The following TMEM232 variants were observed in gnomAD, a reference collection of about 807,000 sequenced individuals.
TMEM232 encodes transmembrane protein 232.
A neutral mutation model predicts 78.8 loss-of-function variants in TMEM232; 80 were observed. The observed-to-expected ratio is 1.01, with a 90% CI of 0.85 to 1.22. TMEM232 has a LOEUF of 1.22. Among genes scored for constraint, TMEM232 ranks in the 50% most tolerant of loss-of-function variants. The probability of loss-of-function intolerance (pLI) is 0.00; values close to 1 mark genes in which losing one functional copy is unlikely to be tolerated. For missense variants in TMEM232, 881 were observed against 742.2 expected (o/e 1.19, Z -2.17); for synonymous variants, 297 against 254.3 (o/e 1.17, Z -1.60).
intron 1 of TMEM232, among the ~76,000 whole-genome samples, chr5:110,672,042 GA>G (rs945009973): frequency 1.3e-5 from 2 of 151,940 alleles, no homozygotes; most frequent in African/African-American, 2.4e-5. Flanking sequence ...CATCCAGAAA[GA>G]AAAAAAGTAA....
intron 12 of TMEM232, chr5:110,429,963 T>A (rs900079520): frequency 6.6e-6 from 1 of 151,774 alleles, no homozygotes; most frequent in African/African-American, 2.4e-5. Flanking sequence ...TTTCTTCCGA[T>A]GAAGGCCTTA....
intron 12 of TMEM232, among the ~76,000 whole-genome samples, chr5:110,521,339 G>A (rs1769474283): frequency 6.6e-6 from 1 of 152,090 alleles, no homozygotes; most frequent in Non-Finnish European, 1.5e-5. Context: ...GGAATTGAAG[G>A]AATTCCTTAT....
At chr5:110,698,888 C>T (rs1248230221) in intron 1 of TMEM232, among the ~76,000 whole-genome samples, 1 of 151,986 alleles carries the variant, frequency 6.6e-6, no homozygotes, top group Non-Finnish European at 1.5e-5. Context: ...TTTTATATTC[C>T]TTCTGAGAGC....
intron 10 of TMEM232, among the ~76,000 whole-genome samples, chr5:110,575,649 A>G (rs1254366663): frequency 6.6e-6 from 1 of 152,076 alleles, no homozygotes; most frequent in African/African-American, 2.4e-5. Flanking sequence ...AAACAACTCA[A>G]CCCATGGAGA....
intron 12 of TMEM232, among the ~76,000 whole-genome samples, chr5:110,528,266 G>A (rs533265890): frequency 1.6e-3 from 248 of 151,762 alleles, no homozygotes; most frequent in African/African-American, 5.6e-3. Flanking sequence ...GTATATATAT[G>A]TATGTATATA....
At chr5:110,519,948 T>C (rs1769251626) in intron 12 of TMEM232, among the ~76,000 whole-genome samples, 1 of 150,396 alleles carries the variant, frequency 6.6e-6, no homozygotes, top group African/African-American at 2.4e-5. Flanking sequence ...GAGAATAGAA[T>C]GATGGCTACT....
chr5:110,400,410 TAATG>T (rs931919583), intron 2 of TMEM232, among the ~76,000 whole-genome samples: 4 of 152,102 alleles, frequency 2.6e-5, no homozygotes, highest in Admixed American at 1.3e-4. Context: ...TTTGCTCAAA[TAATG>T]AATCTAATTT....
chr5:110,417,231 T>G (rs994669129), downstream of TMEM232, among the ~76,000 whole-genome samples: 14 of 152,168 alleles, frequency 9.2e-5, no homozygotes, highest in Non-Finnish European at 1.9e-4. Context: ...CGTTAACACT[T>G]TTTAACAGTA....
chr5:110,484,963 T>TA (rs903841791), intron 12 of TMEM232, among the ~76,000 whole-genome samples: 71 of 148,652 alleles, frequency 4.8e-4, no homozygotes, highest in African/African-American at 5.7e-4. Flanking sequence ...ATAGCCTTAA[T>TA]AAAAAAAAAA....
intron 12 of TMEM232, among the ~76,000 whole-genome samples, chr5:110,446,392 T>C (rs445269): frequency 1.3e-5 from 2 of 152,176 alleles, no homozygotes; most frequent in Non-Finnish European, 2.9e-5. Flanking sequence ...AAGAAATACT[T>C]AGAGATATTG....
intron 2 of TMEM232, among the ~76,000 whole-genome samples, chr5:110,734,194 T>A (rs1348590999): frequency 6.6e-6 from 1 of 152,236 alleles, no homozygotes; most frequent in Non-Finnish European, 1.5e-5. Flanking sequence ...TGCGTGCAGG[T>A]TGGCTAGATT....
At chr5:110,516,284 T>A (rs1315822994) in intron 12 of TMEM232, among the ~76,000 whole-genome samples, 1 of 152,150 alleles carries the variant, frequency 6.6e-6, no homozygotes, top group African/African-American at 2.4e-5. Flanking sequence ...TAAGCATGAA[T>A]AAAGTTTTGT....
rs74921394 is a variant in TMEM232, at chr5:110,467,111, A to T, written c.1704-42195T>A. The stretch of plus-strand genomic sequence containing the variant: ...ATTTAAAGAAGATGGACGGCAGACC[A>T]ATATGTCTACCAATAAAGTTGGAAA... On this transcript the variant is annotated intron_variant, in intron 12 of 13. Coordinates refer to ENST00000455884, the MANE Select transcript of TMEM232 (RefSeq NM_001039763.4). Among the ~76,000 whole-genome samples the T allele has an allele frequency of 9.9e-3, 1,503 of 152,302 alleles. 28 individuals carry two copies. Among genetic ancestry groups the T allele is most frequent in the African/African-American group, 0.034 (1,427 of 41,550 alleles).
downstream of TMEM232, among the ~76,000 whole-genome samples, chr5:110,416,769 G>A (rs146463215): frequency 0.019 from 2,851 of 152,246 alleles, 28 homozygotes; most frequent in South Asian, 0.029. Flanking sequence ...AACTGTTGGT[G>A]TGAGTTATTT....
At chr5:110,432,842 A>C (rs943662415) in intron 12 of TMEM232, among the ~76,000 whole-genome samples, 13 of 151,674 alleles carry the variant, frequency 8.6e-5, no homozygotes, top group Non-Finnish European at 1.3e-4. Context: ...ACTATTCTTA[A>C]ATCAGATAAA....
intron 12 of TMEM232, among the ~76,000 whole-genome samples, chr5:110,425,470 G>C (rs1418388607): frequency 6.6e-6 from 1 of 152,054 alleles, no homozygotes; most frequent in African/African-American, 2.4e-5. Context: ...TTGAGGGTGG[G>C]AAAGTGGGGG....
chr5:110,570,742 CGTTGTGGAAACTGACCTTTCTAA>C (rs1220105757), intron 10 of TMEM232, among the ~76,000 whole-genome samples: 1 of 151,980 alleles, frequency 6.6e-6, no homozygotes, highest in East Asian at 1.9e-4. Flanking sequence ...TACTAATCCA[CGTTGTGGAAACTGACCTTTCTAA>C]ATCTCATTAT....
chr5:110,485,537 A>G (rs1003646960), intron 12 of TMEM232, among the ~76,000 whole-genome samples: 18 of 152,122 alleles, frequency 1.2e-4, no homozygotes, highest in African/African-American at 4.1e-4. Context: ...TAGCTCCCAC[A>G]TATCAGTGAG....
chr5:110,625,585 C>T (rs1245596160), intron 6 of TMEM232, 152 bp from the exon 7 acceptor site: 1 of 571,784 alleles, frequency 1.7e-6, no homozygotes, highest in Non-Finnish European at 2.7e-6. Context: ...TTATGTATGC[C>T]CCCTGGTGGT....
Sources: gnomAD v4.1 joint callset for allele counts (sites outside exome capture counted in the v4.1 genomes callset) on GRCh38, gnomAD v4.1.1 for gene constraint, MANE v1.5 for transcripts, NCBI Gene and HGNC (gene_info 2026-07-23, HGNC 2026-07-21) for gene names.